OPCML: variants seen among roughly 807,000 people sequenced by gnomAD.
OPCML encodes opioid-binding protein/cell adhesion molecule.
A neutral mutation model predicts 37.8 loss-of-function variants in OPCML; 13 were observed. The ratio of observed to expected loss-of-function variants is 0.34; its 90% confidence interval spans 0.22 to 0.55. The LOEUF is 0.55. OPCML is among the 20% of genes least tolerant of loss of function. The pLI is 0.91. For synonymous variants in OPCML, 176 were observed against 168.8 expected (o/e 1.04, Z -0.33); for missense variants, 341 against 435.6 (o/e 0.78, Z 1.93).
intron 1 of OPCML, among the ~76,000 whole-genome samples, chr11:132,975,914 G>A (rs1299031073): frequency 1.3e-5 from 2 of 152,072 alleles, no homozygotes; most frequent in Non-Finnish European, 1.5e-5. Flanking sequence ...GGGACTACAG[G>A]TGCCCGCCAC....
At chr11:133,466,137 A>G (rs1278337901) in intron 1 of OPCML, among the ~76,000 whole-genome samples, 1 of 152,096 alleles carries the variant, frequency 6.6e-6, no homozygotes, top group East Asian at 1.9e-4. Context: ...CCTATCAACA[A>G]TGGCGCCTCT....
At chr11:133,494,653 T>C (rs1947741655) in intron 1 of OPCML, among the ~76,000 whole-genome samples, 1 of 142,160 alleles carries the variant, frequency 7.0e-6, no homozygotes, top group African/African-American at 2.8e-5. Flanking sequence ...TTCTCACTCA[T>C]AGGTGGGAAT....
chr11:133,138,984 A>C (rs1262077672), intron 1 of OPCML, among the ~76,000 whole-genome samples: 1 of 152,236 alleles, frequency 6.6e-6, no homozygotes, highest in East Asian at 1.9e-4. Context: ...TAAAATACTA[A>C]GTACAAGTTA....
Position 132,830,708 on chromosome 11 carries a change from C to T in OPCML, c.146+112218G>A, listed in dbSNP as rs929986346. On this transcript the variant is annotated intron_variant, in intron 2 of 7. Transcript: ENST00000524381. ...ACCAGGAGGAGCAGAGGTTTAGGAGCGGTTGCCTTCCTCTAAAGAATTCTG... is the reference window on the plus strand; with the variant it reads ...ACCAGGAGGAGCAGAGGTTTAGGAGTGGTTGCCTTCCTCTAAAGAATTCTG... Among the ~76,000 whole-genome samples the T allele has an allele frequency of 7.9e-5, 12 of 152,314 alleles. 1 individual carries two copies. In the Middle Eastern group the frequency reaches 0.01, roughly 130 times the overall value.
rs115584342 is a variant in OPCML, at chr11:133,181,372, G to A, written c.62-238362C>T. ...TAAGATGTTACTGCACGGGGGTGGCGGGGGTGGACTGGGTAAAAGGGACAC... is the reference window on the plus strand; with the variant it reads ...TAAGATGTTACTGCACGGGGGTGGCAGGGGTGGACTGGGTAAAAGGGACAC... On this transcript the variant is annotated intron_variant, in intron 1 of 7. Transcript: ENST00000524381. Among the ~76,000 whole-genome samples, 911 of 151,816 alleles carry A rather than the reference G, an allele frequency of 6.0e-3. 14 individuals carry two copies. Among genetic ancestry groups the A allele is most frequent in the African/African-American group, 0.019 (783 of 41,344 alleles).
chr11:132,494,477 C>G (rs185943655), intron 4 of OPCML, among the ~76,000 whole-genome samples: 2,086 of 152,020 alleles, frequency 0.014, 40 homozygotes, highest in Non-Finnish European at 0.017. Context: ...GATTTCTTCC[C>G]TCCCTATCTC....
intron 2 of OPCML, among the ~76,000 whole-genome samples, chr11:132,829,234 G>A (rs1373063451): frequency 2.0e-5 from 3 of 152,172 alleles, no homozygotes; most frequent in Admixed American, 2.0e-4. Context: ...ATCGTACTGT[G>A]CTAACTCAAA....
chr11:132,739,969 G>A (rs565254479), intron 2 of OPCML, among the ~76,000 whole-genome samples: 2 of 152,170 alleles, frequency 1.3e-5, no homozygotes, highest in South Asian at 4.2e-4. Flanking sequence ...AAAAAAGGCA[G>A]GTGTTATTTG....
At chr11:133,516,061 G>A (rs1948263820) in intron 1 of OPCML, among the ~76,000 whole-genome samples, 4 of 152,194 alleles carry the variant, frequency 2.6e-5, no homozygotes, top group South Asian at 2.1e-4. Flanking sequence ...TGTGCAGGGC[G>A]CTTATCGGGA....
chr11:132,923,845 C>T (rs1035810870), intron 2 of OPCML, among the ~76,000 whole-genome samples: 1 of 147,528 alleles, frequency 6.8e-6, no homozygotes, highest in African/African-American at 2.5e-5. Flanking sequence ...CTCACCGCAA[C>T]CCCCGCCTCC....
chr11:133,528,081 G>A (rs538566704), intron 1 of OPCML, among the ~76,000 whole-genome samples: 6 of 152,166 alleles, frequency 3.9e-5, no homozygotes, highest in African/African-American at 7.2e-5. Context: ...CTAAGAATTC[G>A]AGAAAGCACA....
chr11:133,074,923 A>G (rs868784844), intron 1 of OPCML, among the ~76,000 whole-genome samples: 31 of 152,200 alleles, frequency 2.0e-4, no homozygotes, highest in Middle Eastern at 6.8e-3. Flanking sequence ...GCACAGAATG[A>G]CGCCCACCCC....
chr11:133,267,443 A>G (rs1019438830), intron 1 of OPCML, among the ~76,000 whole-genome samples: 6 of 152,192 alleles, frequency 3.9e-5, no homozygotes, highest in South Asian at 2.1e-4. Flanking sequence ...TCCTCCTTGC[A>G]TATCTACTGT....
chr11:132,700,859 T>C (rs1016039858), intron 2 of OPCML, among the ~76,000 whole-genome samples: 20 of 152,208 alleles, frequency 1.3e-4, no homozygotes, highest in Admixed American at 3.9e-4. Flanking sequence ...CTGGATGATC[T>C]ATCTATCGTT....
At chr11:132,809,983 G>C (rs1043523913) in intron 2 of OPCML, among the ~76,000 whole-genome samples, 65 of 152,234 alleles carry the variant, frequency 4.3e-4, no homozygotes, top group Admixed American at 1.2e-3. Flanking sequence ...CCGAGTAGCC[G>C]GGACTACAGG....
intron 1 of OPCML, among the ~76,000 whole-genome samples, chr11:133,415,574 G>A (rs1449289835): frequency 7.2e-5 from 11 of 152,072 alleles, no homozygotes; most frequent in Admixed American, 6.5e-4. Flanking sequence ...GAAGAAGAAG[G>A]CCCCCATCCA....
At chr11:132,466,245 G>A (rs1392373441) in intron 4 of OPCML, among the ~76,000 whole-genome samples, 1 of 151,904 alleles carries the variant, frequency 6.6e-6, no homozygotes, top group Non-Finnish European at 1.5e-5. Context: ...CAGCACTTTG[G>A]GAGGCCGAGG....
At chr11:133,506,425 G>A (rs1948032437) in intron 1 of OPCML, among the ~76,000 whole-genome samples, 1 of 152,122 alleles carries the variant, frequency 6.6e-6, no homozygotes, top group South Asian at 2.1e-4. Flanking sequence ...GGGCTCAGAG[G>A]GCTTTGCTGA....
intron 3 of OPCML, among the ~76,000 whole-genome samples, chr11:132,646,784 T>C (rs2135737877): frequency 6.6e-6 from 1 of 151,950 alleles, no homozygotes; most frequent in South Asian, 2.1e-4. Flanking sequence ...AAGTTGAGAG[T>C]GGAACATGTT....
Sources: gnomAD v4.1 joint callset for allele counts (sites outside exome capture counted in the v4.1 genomes callset) on GRCh38, gnomAD v4.1.1 for gene constraint, MANE v1.5 for transcripts, NCBI Gene and HGNC (gene_info 2026-07-23, HGNC 2026-07-21) for gene names.